CSMD1: variants seen among roughly 807,000 people sequenced by gnomAD.
CSMD1 encodes the protein CUB and sushi domain-containing protein 1.
Under a neutral mutation model 417.5 loss-of-function variants are expected in CSMD1, and 213 were observed. That is an observed-to-expected ratio of 0.51 (90% CI 0.46 to 0.57). The LOEUF (loss-of-function observed/expected upper bound fraction) is 0.57. Among genes scored for constraint, CSMD1 ranks in the 20% least tolerant of loss-of-function variants. The probability of loss-of-function intolerance (pLI) is 0.00; values close to 1 mark genes in which losing one functional copy is unlikely to be tolerated. For synonymous variants in CSMD1, 2,862 were observed against 1,736.8 expected (o/e 1.65, Z -16.11); for missense variants, 6,923 against 4,529.7 (o/e 1.53, Z -15.17).
intron 2 of CSMD1, among the ~76,000 whole-genome samples, chr8:4,453,875 G>A (rs1168962213): frequency 7.4e-6 from 1 of 134,648 alleles, no homozygotes; most frequent in African/African-American, 2.8e-5. Flanking sequence ...ACGCTGGAGT[G>A]CACTGGCGCG....
At chr8:3,914,452 C>T (rs1013201382) in intron 5 of CSMD1, among the ~76,000 whole-genome samples, 6 of 152,084 alleles carry the variant, frequency 3.9e-5, no homozygotes, top group Admixed American at 1.3e-4. Flanking sequence ...ATTTCTAACG[C>T]TAATTATTAT....
intron 1 of CSMD1, among the ~76,000 whole-genome samples, chr8:4,901,781 T>G (rs1804885821): frequency 6.6e-6 from 1 of 152,150 alleles, no homozygotes; most frequent in Non-Finnish European, 1.5e-5. Context: ...GGTGCCTTCC[T>G]TGGAGGGAGG....
intron 5 of CSMD1, among the ~76,000 whole-genome samples, chr8:3,980,987 T>C (rs1255337070): frequency 1.3e-5 from 2 of 152,330 alleles, no homozygotes; most frequent in East Asian, 1.9e-4. Flanking sequence ...TCCCCACCTT[T>C]GTACCCACAC....
At chr8:4,533,886 T>C (rs953481008) in intron 2 of CSMD1, among the ~76,000 whole-genome samples, 3 of 149,592 alleles carry the variant, frequency 2.0e-5, no homozygotes, top group Non-Finnish European at 3.0e-5. Flanking sequence ...TAAATAAATA[T>C]ATGTAATTCA....
chr8:4,029,534 A>G (rs1296244139), intron 4 of CSMD1, among the ~76,000 whole-genome samples: 1 of 152,170 alleles, frequency 6.6e-6, no homozygotes, highest in Non-Finnish European at 1.5e-5. Flanking sequence ...AGCGCAGGAA[A>G]GAACTGCCTC....
intron 11 of CSMD1, among the ~76,000 whole-genome samples, chr8:3,475,705 G>A (rs10106196): frequency 0.6 from 91,760 of 152,050 alleles, 28,397 homozygotes; most frequent in Middle Eastern, 0.72. Flanking sequence ...AGTCAGTATC[G>A]ATGTTGAACT....
At chr8:4,443,843 T>C (rs997131344) in intron 2 of CSMD1, among the ~76,000 whole-genome samples, 1 of 152,184 alleles carries the variant, frequency 6.6e-6, no homozygotes, top group African/African-American at 2.4e-5. Flanking sequence ...GTAACGAACT[T>C]CTGGGTAACA....
At chr8:3,469,434 C>CG (rs1044297690) in intron 11 of CSMD1, among the ~76,000 whole-genome samples, 2 of 152,064 alleles carry the variant, frequency 1.3e-5, no homozygotes, top group Non-Finnish European at 2.9e-5. Flanking sequence ...ACACTCCCCC[C>CG]GCATATTAAT....
chr8:4,077,738 C>G (rs776249445), intron 3 of CSMD1, among the ~76,000 whole-genome samples: 1 of 152,134 alleles, frequency 6.6e-6, no homozygotes, highest in Non-Finnish European at 1.5e-5. Flanking sequence ...GCTCTTTATT[C>G]TCTTGTCCCA....
At chr8:3,302,032 G>C (rs148941297) in intron 25 of CSMD1, among the ~76,000 whole-genome samples, 1 of 152,036 alleles carries the variant, frequency 6.6e-6, no homozygotes, top group Non-Finnish European at 1.5e-5. Context: ...TTTTAGGTGG[G>C]AAATTATTGG....
At chr8:4,442,327 G>A (rs1255463276) in intron 2 of CSMD1, among the ~76,000 whole-genome samples, 3 of 152,068 alleles carry the variant, frequency 2.0e-5, no homozygotes, top group Non-Finnish European at 4.4e-5. Flanking sequence ...GTATAAAGTA[G>A]AAGTTCTCCT....
At chr8:4,195,565 A>G (rs1010621456) in intron 3 of CSMD1, among the ~76,000 whole-genome samples, 6 of 152,100 alleles carry the variant, frequency 3.9e-5, no homozygotes, top group Admixed American at 3.9e-4. Context: ...GACCAATAGT[A>G]TATGGTAGAG....
chr8:4,398,761 A>T (rs1804444005), intron 3 of CSMD1, among the ~76,000 whole-genome samples: 2 of 152,224 alleles, frequency 1.3e-5, no homozygotes, highest in Non-Finnish European at 2.9e-5. Context: ...TTTCTCATTT[A>T]TCAAAATTAT....
At chr8:3,858,149 G>C (rs1480702599) in intron 5 of CSMD1, among the ~76,000 whole-genome samples, 1 of 152,174 alleles carries the variant, frequency 6.6e-6, no homozygotes, top group East Asian at 1.9e-4. Context: ...ACTAGAGGTA[G>C]AAATGGAGGC....
At chr8:3,657,736 C>G (rs567387660) in intron 7 of CSMD1, among the ~76,000 whole-genome samples, 120 of 152,114 alleles carry the variant, frequency 7.9e-4, no homozygotes, top group Non-Finnish European at 1.5e-3. Context: ...AGGAGAAATA[C>G]CTAATGTAGA....
intron 5 of CSMD1, among the ~76,000 whole-genome samples, chr8:3,862,506 C>G (rs933021777): frequency 6.6e-6 from 1 of 152,148 alleles, no homozygotes. Flanking sequence ...TTTCCCAGAC[C>G]TTACAACTGT....
At chr8:3,584,194 A>C (rs1800502969) in intron 9 of CSMD1, among the ~76,000 whole-genome samples, 1 of 152,208 alleles carries the variant, frequency 6.6e-6, no homozygotes, top group Admixed American at 6.5e-5. Flanking sequence ...AAGTATATCT[A>C]ACTTAAGCAG....
At chr8:4,754,894 T>C (rs930434636) in intron 1 of CSMD1, among the ~76,000 whole-genome samples, 1 of 151,848 alleles carries the variant, frequency 6.6e-6, no homozygotes, top group Non-Finnish European at 1.5e-5. Flanking sequence ...ATCCAAGCAC[T>C]TTGTGAATCC....
intron 5 of CSMD1, among the ~76,000 whole-genome samples, chr8:3,845,501 A>T (rs570277329): frequency 6.6e-6 from 1 of 152,324 alleles, no homozygotes; most frequent in South Asian, 2.1e-4. Flanking sequence ...CTACACCTGT[A>T]CAGGGTACTT....
Sources: allele counts gnomAD v4.1 joint callset (sites outside exome capture counted in the v4.1 genomes callset), GRCh38; gene constraint gnomAD v4.1.1; transcripts MANE v1.5; gene names NCBI Gene and HGNC (gene_info 2026-07-23, HGNC 2026-07-21).